The following TBC1D15 variants were observed in gnomAD, a reference collection of about 807,000 sequenced individuals.
TBC1D15 encodes TBC1 domain family member 15, also known as GAP for RAB7.
A neutral mutation model predicts 95.4 loss-of-function variants in TBC1D15; 39 were observed. That is an observed-to-expected ratio of 0.41 (90% CI 0.32 to 0.53). The LOEUF is 0.53. TBC1D15 is among the 20% of genes least tolerant of loss of function. TBC1D15 has a pLI of 0.29. For synonymous variants in TBC1D15, 258 were observed against 261.3 expected, an observed-to-expected ratio of 0.99 and a Z score of 0.12; for missense variants, 733 against 794.3, an observed-to-expected ratio of 0.92 and a Z score of 0.93.
Position 71,896,816 on chromosome 12 carries a change from TTCAAGTAACCCACTC to T in TBC1D15, c.1088+37_1088+51del, listed in dbSNP as rs1898282292. 4.5e-6 allele frequency: 7 copies of T among 1,539,672 alleles called. No homozygotes were observed. The Admixed American group carries it at 1.0e-4, about 23-fold the overall frequency. Reference sequence around the variant, plus strand: ...GTCTTTCGTACATTTATCAAAGAGATTCAAGTAACCCACTCATACAAATTAGTATAGGGTTTCTAG... The same window carrying T: ...GTCTTTCGTACATTTATCAAAGAGATATACAAATTAGTATAGGGTTTCTAG... On this transcript the variant is annotated intron_variant, in intron 9 of 16. Transcript: ENST00000485960.
At chr12:71,844,744 A>G (rs1209869853) in intron 1 of TBC1D15, among the ~76,000 whole-genome samples, 1 of 152,178 alleles carries the variant, frequency 6.6e-6, no homozygotes, top group African/African-American at 2.4e-5. Context: ...TTTACTGTAT[A>G]TTTATTGAAG....
intron 1 of TBC1D15, chr12:71,849,301 A>G: frequency 1.0e-6 from 1 of 978,112 alleles, no homozygotes; most frequent in Non-Finnish European, 1.6e-6. Flanking sequence ...TCTATCTGCC[A>G]GAAGAATCTT....
At chr12:71,911,213 G>A (rs1453520188) in intron 11 of TBC1D15, among the ~76,000 whole-genome samples, 1 of 152,078 alleles carries the variant, frequency 6.6e-6, no homozygotes, top group Admixed American at 6.6e-5. Context: ...AAGTCAGTGT[G>A]GCGATTCCTC....
At chr12:71,862,669 C>G (rs528375168) in intron 1 of TBC1D15, among the ~76,000 whole-genome samples, 1 of 152,000 alleles carries the variant, frequency 6.6e-6, no homozygotes, top group Non-Finnish European at 1.5e-5. Context: ...AGGATTTATT[C>G]CTCTCATTTC....
chr12:71,914,491 T>C (rs1011337732), intron 12 of TBC1D15, among the ~76,000 whole-genome samples: 1 of 152,052 alleles, frequency 6.6e-6, no homozygotes, highest in Admixed American at 6.6e-5. Context: ...ATTATCATTG[T>C]TAAATCTTTG....
At chr12:71,861,394 G>T in intron 1 of TBC1D15, 8 of 1,426,972 alleles carry the variant, frequency 5.6e-6, no homozygotes, top group South Asian at 1.5e-5. Flanking sequence ...TACTGTAATT[G>T]TTTTTTTCAG....
Position 71,913,867 on chromosome 12 carries a change from T to C in TBC1D15, c.1342T>C (p.Tyr448His), listed in dbSNP as rs1388384601. Residue 448 changes from tyrosine (Y) to histidine (H), a missense_variant, in exon 12 of 17, where the codon TAT becomes CAT. Transcript: ENST00000485960. ...GMSDLLSPLLYVMENEVDAFW... is the reference protein window; with the variant it reads ...GMSDLLSPLLHVMENEVDAFW... ...GAGTGATTTACTTTCCCCTCTTTTA[T>C]ATGTGATGGAAAATGAAGTGGATGC... 6.3e-7 allele frequency: 1 copy of C among 1,594,200 alleles called. No individual in the cohort carries two copies. The highest frequency in any genetic ancestry group is 1.8e-5 in the Admixed American group (1 of 54,784).
chr12:71,865,162 T>C (rs1484022811), intron 1 of TBC1D15, among the ~76,000 whole-genome samples: 1 of 152,196 alleles, frequency 6.6e-6, no homozygotes, highest in Admixed American at 6.5e-5. Flanking sequence ...GCTCAGCATC[T>C]TATAAACCTA....
intron 11 of TBC1D15, among the ~76,000 whole-genome samples, chr12:71,911,016 G>A (rs997566030): frequency 4.4e-4 from 67 of 152,202 alleles, no homozygotes; most frequent in African/African-American, 1.3e-3. Context: ...AAAAACACAC[G>A]AAAAAATGCT....
At chr12:71,880,368 G>T in intron 3 of TBC1D15, 101 bp from the exon 4 acceptor site, 1 of 916,124 alleles carries the variant, frequency 1.1e-6, no homozygotes, top group Non-Finnish European at 1.6e-6. Flanking sequence ...CACCAGTGAT[G>T]TCGTCTGCAG....
chr12:71,861,491 A>C, intron 1 of TBC1D15: 1 of 1,535,648 alleles, frequency 6.5e-7, no homozygotes, highest in South Asian at 1.2e-5. Flanking sequence ...GTATGGTAGG[A>C]GTATGGTAGG....
Position 71,922,997 on chromosome 12 carries a change from A to G in TBC1D15, c.1818A>G (p.Ala606=). 1 of 1,614,214 alleles carries G rather than the reference A, an allele frequency of 6.2e-7. No homozygotes were observed. Among genetic ancestry groups the G allele is most frequent in the Middle Eastern group, 1.6e-4 (1 of 6,062 alleles). ...TTCATATCCAGGAATTGCCACAAGC[A>G]GTCTGTGAGATCCTTGGGCTTCAAG... ...QMVKCKELPQ[A]VCEILGLQGS... The change falls in exon 17 of 17, where the codon GCA becomes GCG. Residue 606 remains alanine, a synonymous_variant. Transcript: ENST00000485960.
rs765228164 is a variant in TBC1D15 at position 71,907,061 on chromosome 12, A to T, written c.1223A>T (p.Tyr408Phe). The change falls in exon 11 of 17, where the codon TAT (tyrosine) becomes TTT (phenylalanine). Residue 408 changes from tyrosine to phenylalanine, a missense_variant. By Grantham distance (22) the Tyr-to-Phe change is conservative. Transcript: ENST00000485960. ...AGAACAGATCGAACAAACAAGTTTT[A>T]TGAAGGCCAAGATAATCCAGGGTTG... ...VNRTDRTNKFYEGQDNPGLIL... is the reference protein window; with the variant it reads ...VNRTDRTNKFFEGQDNPGLIL... 6.2e-7 allele frequency: 1 copy of T among 1,611,978 alleles called. No individual in the cohort carries two copies. The highest frequency in any genetic ancestry group is 8.5e-7 in the Non-Finnish European group (1 of 1,179,008).
intron 4 of TBC1D15, among the ~76,000 whole-genome samples, chr12:71,884,171 A>T (rs1012903661): frequency 2.6e-5 from 4 of 152,096 alleles, no homozygotes; most frequent in Non-Finnish European, 5.9e-5. Flanking sequence ...CTCCAGTGTT[A>T]TTTTTTATAT....
At chr12:71,911,793 AAAAAAAAT>A (rs567192518) in intron 11 of TBC1D15, among the ~76,000 whole-genome samples, 210 of 151,404 alleles carry the variant, frequency 1.4e-3, no homozygotes, top group South Asian at 2.7e-3. Context: ...CTGTAAAAAT[AAAAAAAAT>A]AAAATAGATT....
intron 1 of TBC1D15, among the ~76,000 whole-genome samples, chr12:71,850,710 C>T (rs1041279375): frequency 7.9e-5 from 12 of 152,086 alleles, no homozygotes; most frequent in Admixed American, 4.6e-4. Context: ...TAGCTGAGGC[C>T]GGGCGCAGTG....
At chr12:71,921,634 A>G (rs1295669931) in intron 16 of TBC1D15, among the ~76,000 whole-genome samples, 180 bp downstream of exon 16, 1 of 152,230 alleles carries the variant, frequency 6.6e-6, no homozygotes, top group East Asian at 1.9e-4. Flanking sequence ...ACAGTTGACT[A>G]TGGCAGATAG....
intron 11 of TBC1D15, 53 bp from the exon 12 acceptor site, chr12:71,913,773 G>A: frequency 1.0e-5 from 13 of 1,255,778 alleles, no homozygotes; most frequent in Non-Finnish European, 1.4e-5. Flanking sequence ...ACAACTTGCA[G>A]AAGGTTACAT....
intron 11 of TBC1D15, among the ~76,000 whole-genome samples, chr12:71,913,112 A>G (rs952792920): frequency 1.3e-5 from 2 of 152,090 alleles, no homozygotes; most frequent in Non-Finnish European, 2.9e-5. Context: ...AGAAATTGTA[A>G]TAATATCAAG....
Sources: allele counts gnomAD v4.1 joint callset (sites outside exome capture counted in the v4.1 genomes callset), GRCh38; gene constraint gnomAD v4.1.1; transcripts MANE v1.5; gene names NCBI Gene and HGNC (gene_info 2026-07-23, HGNC 2026-07-21).